Variants in BOP1 observed in about 807,000 individuals in gnomAD.
BOP1 encodes ribosome biogenesis protein BOP1.
In BOP1, 54 loss-of-function variants were observed where a neutral mutation model predicts 82.9. That is an observed-to-expected ratio of 0.65 (90% CI 0.52 to 0.82). BOP1 has a LOEUF of 0.82. BOP1 is among the 40% of genes least tolerant of loss of function. The probability of loss-of-function intolerance (pLI) is 0.00; values close to 1 mark genes in which losing one functional copy is unlikely to be tolerated. For missense variants in BOP1, 1,170 were observed against 1,072.0 expected (o/e 1.09, Z -1.28); for synonymous variants, 566 against 451.1 (o/e 1.25, Z -3.23).
chr8:144,267,334 TCTC>T (rs1453159082), intron 3 of BOP1, among the ~76,000 whole-genome samples: 1 of 151,742 alleles, frequency 6.6e-6, no homozygotes, highest in Non-Finnish European at 1.5e-5. Context: ...GCTGGGGCCT[TCTC>T]CTGGGGCTCC....
rs1267233597 is a variant in BOP1 at position 144,263,314 on chromosome 8, C to T, written c.1512G>A (p.Pro504=). 21 of 1,593,866 alleles carry T rather than the reference C, an allele frequency of 1.3e-5. No individual in the cohort carries two copies. Among genetic ancestry groups the T allele is most frequent in the African/African-American group, 4.0e-5 (3 of 74,938 alleles). ...CCGGCTGCAAGGGGGGCTCCTCAGG[C>T]GGGACGAAGGCGCTCAACAGCTGAT... ...STDQLLSAFV[P]PEEPPLQPAR... Residue 504 remains proline, a synonymous_variant, in exon 12 of 16, where the codon CCG becomes CCA. Transcript: ENST00000569669.
Position 144,263,737 on chromosome 8 carries a change from C to T in BOP1, c.1246G>A (p.Val416Ile). The change falls in exon 10 of 16, where the codon GTC becomes ATC. Residue 416 changes from valine (V) to isoleucine (I), a missense_variant. Physicochemically the swap from Val to Ile is conservative, Grantham distance 29. Transcript: ENST00000569669. Reference sequence around the variant, plus strand: ...CCAGGAGAGACACTGAGGCACCGGACAAGGTCACTGTGGCCCCTGTAGACC... The same window carrying T: ...CCAGGAGAGACACTGAGGCACCGGATAAGGTCACTGTGGCCCCTGTAGACC... ...ALVYRGHSDLVRCLSVSPGGQ... is the reference protein window; with the variant it reads ...ALVYRGHSDLIRCLSVSPGGQ... 1 of 1,579,550 alleles carries T rather than the reference C, an allele frequency of 6.3e-7. No individual in the cohort carries two copies. Among genetic ancestry groups the T allele is most frequent in the Admixed American group, 1.8e-5 (1 of 54,210 alleles).
chr8:144,264,917 C>G lies in BOP1; in HGVS notation c.545G>C (p.Trp182Ser). 1.2e-6 allele frequency: 2 copies of G among 1,611,622 alleles called. No homozygotes were observed. The highest frequency in any genetic ancestry group is 1.7e-6 in the Non-Finnish European group (2 of 1,179,654). Reference sequence around the variant, plus strand: ...CTGGCCCCACCCCACCAGCCCTCACCAGTAGTCAGGATCGTCCATCTTGTC... The same window carrying G: ...CTGGCCCCACCCCACCAGCCCTCACGAGTAGTCAGGATCGTCCATCTTGTC... ...FLDKMDDPDY[W>S]RTVQDPMTGR... The change falls in exon 4 of 16, where the codon TGG (tryptophan) becomes TCG (serine). Residue 182 changes from tryptophan to serine, a missense_variant and splice_region_variant. Trp to Ser is a radical substitution (Grantham distance 177, BLOSUM62 -3). Transcript: ENST00000569669.
chr8:144,263,016 G>A lies in BOP1; in HGVS notation c.1731C>T (p.Arg577=). Residue 577 remains arginine, a synonymous_variant, in exon 13 of 16, where the codon CGC becomes CGT. Coordinates refer to ENST00000569669, the MANE Select transcript of BOP1 (RefSeq NM_015201.5). The part of the protein sequence containing the change: ...SRRRSQSPFR[R]SHGQVQRVAF... ...CCACTCGCTGCACCTGTCCGTGGCT[G>A]CGGCGGAACGGACTCTGGCTGCGGC... 2 of 1,561,582 alleles carry A rather than the reference G, an allele frequency of 1.3e-6. No homozygotes were observed. The highest frequency in any genetic ancestry group is 1.2e-5 in the South Asian group (1 of 86,412).
intron 2 of BOP1, among the ~76,000 whole-genome samples, chr8:144,279,630 G>A (rs868985129): frequency 3.2e-4 from 48 of 152,240 alleles, no homozygotes; most frequent in African/African-American, 1.1e-3. Context: ...TTTAAAACAC[G>A]GCCACAAACC....
chr8:144,265,992 C>T (rs1845352896), intron 3 of BOP1: 1 of 152,522 alleles, frequency 6.6e-6, no homozygotes, highest in African/African-American at 2.4e-5. Context: ...AGGTGCAGGA[C>T]AGACAGGCGG....
intron 3 of BOP1, among the ~76,000 whole-genome samples, chr8:144,270,408 A>AG (rs1432086498): frequency 7.2e-5 from 11 of 152,250 alleles, no homozygotes; most frequent in Middle Eastern, 3.4e-3. Context: ...CGGAGCTGAA[A>AG]GGATCCCCAG....
chr8:144,273,895 G>C (rs1845532280), intron 3 of BOP1, among the ~76,000 whole-genome samples: 3 of 152,210 alleles, frequency 2.0e-5, no homozygotes, highest in Non-Finnish European at 1.5e-5. Flanking sequence ...TGCGCACCTG[G>C]GGGAGGGGAA....
chr8:144,273,566 T>G (rs868917855), intron 3 of BOP1, among the ~76,000 whole-genome samples: 5,783 of 152,298 alleles, frequency 0.038, 369 homozygotes, highest in African/African-American at 0.13. Flanking sequence ...CTGCATCCTC[T>G]GCCTGAGCAG....
intron 3 of BOP1, among the ~76,000 whole-genome samples, chr8:144,275,039 C>T (rs895274388): frequency 5.3e-5 from 8 of 151,960 alleles, no homozygotes; most frequent in African/African-American, 1.9e-4. Flanking sequence ...GCAGCAGAGA[C>T]CGGATCGGGC....
At chr8:144,265,480 CCCATT>C (rs1404252340) in intron 3 of BOP1, 1 of 269,156 alleles carries the variant, frequency 3.7e-6, no homozygotes, top group African/African-American at 2.2e-5. Context: ...CCCCAACTGA[CCCATT>C]CCACAGAGAG....
In BOP1 at chr8:144,272,873, A is replaced by C. The variant is rs773814927; in HGVS notation, c.390+3351T>G. 6.0e-3 allele frequency among the ~76,000 whole-genome samples: 910 copies of C among 152,292 alleles called. 3 individuals are homozygous for C. The highest frequency in any genetic ancestry group is 8.2e-3 in the Non-Finnish European group (557 of 68,012). On this transcript the variant is annotated intron_variant, in intron 3 of 15. Coordinates refer to ENST00000569669, the MANE Select transcript of BOP1 (RefSeq NM_015201.5). The stretch of plus-strand genomic sequence containing the variant: ...TCAAGCCGGCCAAGGGGCACGCGGC[A>C]GTCAGGCTACACACACCCACCCACA...
In BOP1 at chr8:144,263,504, G is replaced by C. The variant is rs1025796495; in HGVS notation, c.1398C>G (p.Pro466=). The C allele has an allele frequency of 3.1e-6, 5 of 1,598,766 alleles. No individual in the cohort carries two copies. Among genetic ancestry groups the C allele is most frequent in the Non-Finnish European group, 4.2e-6 (5 of 1,179,696 alleles). Residue 466 remains proline (P), a synonymous_variant, in exon 11 of 16, where the codon CCC becomes CCG. Transcript: ENST00000569669. ...VVKSVAWNPS[P]AVCLVAAAVE... ...CGGCTGCAGCCACCAGGCAGACAGC[G>C]GGGCTGGGGTTCCAGGCCACACTCT...
chr8:144,265,039 C>T lies in BOP1; in HGVS notation c.423G>A (p.Leu141=). 1 of 1,611,886 alleles carries T rather than the reference C, an allele frequency of 6.2e-7. No individual in the cohort carries two copies. Among genetic ancestry groups the T allele is most frequent in the East Asian group, 2.2e-5 (1 of 44,854 alleles). ...CGTGGGGGAAGTCATCGTACCACTC[C>T]AAGGGCACGTTGCCCACCGTGTTCC... ...DIRNTVGNVP[L]EWYDDFPHVG... Residue 141 remains leucine (L), a synonymous_variant, in exon 4 of 16, where the codon TTG becomes TTA. Transcript: ENST00000569669.
intron 3 of BOP1, 117 bp from the exon 4 acceptor site, chr8:144,265,188 C>A (rs1845332225): frequency 5.7e-6 from 7 of 1,223,446 alleles, no homozygotes; most frequent in Admixed American, 2.0e-5. Context: ...GCCTCAAGTG[C>A]CCTGAGGTCA....
intron 2 of BOP1, among the ~76,000 whole-genome samples, chr8:144,279,905 G>A (rs1588602702): frequency 6.6e-6 from 1 of 152,022 alleles, no homozygotes; most frequent in African/African-American, 2.4e-5. Context: ...CAAGAGGCCC[G>A]GCTGTGCTCA....
In BOP1 at chr8:144,289,172, C is replaced by T. The variant is rs376129693; in HGVS notation, c.232G>A (p.Asp78Asn). 73 of 1,614,102 alleles carry T rather than the reference C, an allele frequency of 4.5e-5. No homozygotes were observed. The highest frequency in any genetic ancestry group is 5.7e-5 in the Non-Finnish European group (67 of 1,180,036). Residue 78 changes from aspartate (D) to asparagine (N), a missense_variant, in exon 2 of 16, where the codon GAC (aspartate) becomes AAC (asparagine). Physicochemically the swap from Asp to Asn is conservative, Grantham distance 23. Coordinates refer to ENST00000569669, the MANE Select transcript of BOP1 (RefSeq NM_015201.5). ...SDSSEDDDEG[D>N]EEGEDGALDD... Reference sequence around the variant, plus strand: ...AGGGCTCCGTCCTCTCCCTCCTCGTCGCCTTCGTCATCATCCTCACTGCTG... The same window carrying T: ...AGGGCTCCGTCCTCTCCCTCCTCGTTGCCTTCGTCATCATCCTCACTGCTG...
chr8:144,279,587 C>A (rs1845637360), intron 2 of BOP1, among the ~76,000 whole-genome samples: 1 of 152,224 alleles, frequency 6.6e-6, no homozygotes, highest in Non-Finnish European at 1.5e-5. Flanking sequence ...GGGGAAGAGA[C>A]TATTTGGCAA....
intron 3 of BOP1, among the ~76,000 whole-genome samples, chr8:144,274,104 C>G (rs903202792): frequency 6.6e-6 from 1 of 152,090 alleles, no homozygotes; most frequent in African/African-American, 2.4e-5. Context: ...CACCTCCCAC[C>G]AGCAGGAGCT....
Sources: gnomAD v4.1 joint callset for allele counts (sites outside exome capture counted in the v4.1 genomes callset) on GRCh38, gnomAD v4.1.1 for gene constraint, MANE v1.5 for transcripts, NCBI Gene and HGNC (gene_info 2026-07-23, HGNC 2026-07-21) for gene names.